TRHDE: variants seen among roughly 807,000 people sequenced by gnomAD.
The protein encoded by TRHDE is thyrotropin-releasing hormone-degrading ectoenzyme.
In TRHDE, 72 loss-of-function variants were observed where a neutral mutation model predicts 125.7. That is an observed-to-expected ratio of 0.57 (90% CI 0.47 to 0.70). TRHDE has a LOEUF of 0.70. TRHDE is among the 30% of genes least tolerant of loss of function. The pLI, the probability that TRHDE is intolerant of heterozygous loss-of-function variation, is 0.00. For missense variants in TRHDE, 1,110 were observed against 1,327.1 expected, an observed-to-expected ratio of 0.84 and a Z score of 2.54; for synonymous variants, 509 against 509.1, an observed-to-expected ratio of 1.00 and a Z score of 0.00.
chr12:72,206,653 C>A (rs1375658867), intron 2 of TRHDE, among the ~76,000 whole-genome samples: 1 of 152,012 alleles, frequency 6.6e-6, no homozygotes, highest in Non-Finnish European at 1.5e-5. Context: ...AAAATATGGA[C>A]TGTGTTTCAT....
At chr12:72,557,477 T>C (rs921818652) in intron 7 of TRHDE, among the ~76,000 whole-genome samples, 1 of 152,216 alleles carries the variant, frequency 6.6e-6, no homozygotes, top group Non-Finnish European at 1.5e-5. Context: ...TGAATCCATA[T>C]GGTTTTTATG....
chr12:72,425,029 T>G (rs1486285374), intron 3 of TRHDE, among the ~76,000 whole-genome samples: 2 of 152,138 alleles, frequency 1.3e-5, no homozygotes, highest in East Asian at 3.9e-4. Context: ...CTATAAAAAC[T>G]TTACTCCTAT....
At chr12:72,476,159 C>T (rs894415066) in intron 5 of TRHDE, among the ~76,000 whole-genome samples, 5 of 152,152 alleles carry the variant, frequency 3.3e-5, no homozygotes, top group Non-Finnish European at 7.4e-5. Context: ...TTAGGTCATC[C>T]ACCTGCGACA....
chr12:72,272,226 C>T (rs1041799179), upstream of TRHDE: 8 of 408,622 alleles, frequency 2.0e-5, no homozygotes, highest in Non-Finnish European at 4.0e-5. The surrounding 1 kb of genome is among the most constrained non-coding windows in gnomAD (Gnocchi z 6.7). Flanking sequence ...CTTCCCACCG[C>T]TCCCGTCCTT....
In TRHDE at chr12:72,291,759, G is replaced by T. The variant is rs1880096368; in HGVS notation, c.1188+4805G>T. Reference sequence around the variant, plus strand: ...TAAAGTATACAGGAAGACATGCATGGGTTCTATGCAAATACTATACCATTT... The same window carrying T: ...TAAAGTATACAGGAAGACATGCATGTGTTCTATGCAAATACTATACCATTT... On this transcript the variant is annotated intron_variant, in intron 2 of 18. Coordinates refer to ENST00000261180, the MANE Select transcript of TRHDE (RefSeq NM_013381.3). Among the ~76,000 whole-genome samples the T allele has an allele frequency of 2.0e-5, 3 of 152,126 alleles. No individual in the cohort carries two copies. In the South Asian group the frequency reaches 6.2e-4, roughly 32 times the overall value.
intron 2 of TRHDE, among the ~76,000 whole-genome samples, chr12:72,260,251 C>T (rs1307395279): frequency 1.3e-5 from 2 of 152,170 alleles, no homozygotes; most frequent in Non-Finnish European, 2.9e-5. Flanking sequence ...TCAACATCTA[C>T]TCAAATTCTT....
intron 2 of TRHDE, chr12:72,258,142 G>A (rs920055628): frequency 2.6e-5 from 4 of 152,232 alleles, no homozygotes; most frequent in African/African-American, 9.6e-5. Flanking sequence ...TTCAGAATAG[G>A]TTCTTCCAGT....
rs1033102049 is a variant in TRHDE at position 72,464,870 on chromosome 12, G to A, written c.1316-4888G>A. On this transcript the variant is annotated intron_variant, in intron 3 of 18. Transcript: ENST00000261180. ...GGTGAGTAGGAGGCAAACAAGTAGAGCAAGTCAGATTTTTGTTAATTTATG... is the reference window on the plus strand; with the variant it reads ...GGTGAGTAGGAGGCAAACAAGTAGAACAAGTCAGATTTTTGTTAATTTATG... 2.0e-5 allele frequency among the ~76,000 whole-genome samples: 3 copies of A among 152,094 alleles called. No individual in the cohort carries two copies. The East Asian group carries it at 5.8e-4, about 29-fold the overall frequency.
At chr12:72,270,737 T>A (rs1262144445), upstream of TRHDE, among the ~76,000 whole-genome samples, 1 of 152,194 alleles carries the variant, frequency 6.6e-6, no homozygotes, top group Non-Finnish European at 1.5e-5. Flanking sequence ...ACCTTTGGGG[T>A]GGCTGTTTTC....
intron 3 of TRHDE, among the ~76,000 whole-genome samples, chr12:72,458,400 A>G (rs1388484196): frequency 4.6e-5 from 7 of 152,118 alleles, no homozygotes; most frequent in Non-Finnish European, 7.4e-5. Flanking sequence ...TCATGACAGC[A>G]TCTTGTCAGT....
chr12:72,583,289 G>C (rs768633296), intron 12 of TRHDE, among the ~76,000 whole-genome samples: 1 of 152,182 alleles, frequency 6.6e-6, no homozygotes, highest in Non-Finnish European at 1.5e-5. Context: ...AAATTAGCTT[G>C]TTGTTATCCT....
chr12:72,097,062 C>T (rs1310623387), intron 1 of TRHDE, among the ~76,000 whole-genome samples: 5 of 152,152 alleles, frequency 3.3e-5, no homozygotes. Context: ...ACCTTCATAC[C>T]TGAGTTTGGA....
At chr12:72,571,447 C>G (rs1475255486) in intron 10 of TRHDE, among the ~76,000 whole-genome samples, 2 of 152,086 alleles carry the variant, frequency 1.3e-5, no homozygotes, top group Non-Finnish European at 2.9e-5. Context: ...TTTGGATCGT[C>G]CTATATTCTT....
chr12:72,361,211 G>A (rs536960983), intron 2 of TRHDE, among the ~76,000 whole-genome samples: 3 of 151,740 alleles, frequency 2.0e-5, no homozygotes, highest in East Asian at 3.9e-4. Flanking sequence ...CCTTCACACC[G>A]TTTAGAAGAA....
At chr12:72,426,194 T>A (rs1874178327) in intron 3 of TRHDE, among the ~76,000 whole-genome samples, 1 of 152,136 alleles carries the variant, frequency 6.6e-6, no homozygotes, top group African/African-American at 2.4e-5. Context: ...ATATGTCTGA[T>A]TAACTGAAGA....
At chr12:72,638,967 C>T (rs1873901300) in intron 15 of TRHDE, among the ~76,000 whole-genome samples, 2 of 151,688 alleles carry the variant, frequency 1.3e-5, no homozygotes, top group South Asian at 4.2e-4. Context: ...TTTGGTGAAT[C>T]TGACAATTAT....
At chr12:72,226,569 T>C (rs186294301) in intron 2 of TRHDE, among the ~76,000 whole-genome samples, 3 of 152,324 alleles carry the variant, frequency 2.0e-5, no homozygotes, top group Non-Finnish European at 4.4e-5. Context: ...AGTCATGATC[T>C]TTAGCTTATA....
At chr12:72,196,484 G>A (rs1212622720) in intron 2 of TRHDE, among the ~76,000 whole-genome samples, 1 of 151,664 alleles carries the variant, frequency 6.6e-6, no homozygotes. Context: ...TTACTTTTTT[G>A]TAGCTATTGT....
chr12:72,283,512 A>C (rs1388638640), intron 1 of TRHDE, among the ~76,000 whole-genome samples: 1 of 152,174 alleles, frequency 6.6e-6, no homozygotes, highest in Non-Finnish European at 1.5e-5. Flanking sequence ...GTGCATAGAT[A>C]TATACTGTGT....
Sources: gnomAD v4.1 joint callset for allele counts (sites outside exome capture counted in the v4.1 genomes callset) on GRCh38, gnomAD v4.1.1 for gene constraint, Gnocchi (gnomAD v3.1) non-coding constraint, MANE v1.5 for transcripts, NCBI Gene and HGNC (gene_info 2026-07-23, HGNC 2026-07-21) for gene names.